PDZRN4: variants seen among roughly 807,000 people sequenced by gnomAD.
PDZRN4 encodes PDZ domain-containing RING finger protein 4.
PDZRN4 carries 70 observed loss-of-function variants against 99.0 expected under a neutral mutation model. The ratio of observed to expected loss-of-function variants is 0.71; its 90% CI spans 0.58 to 0.86. The LOEUF (loss-of-function observed/expected upper bound fraction) is 0.86, where lower values mean the gene tolerates loss of function less well. Ranked by LOEUF, PDZRN4 falls within the 40% of genes least tolerant of loss-of-function variation. PDZRN4 has a pLI of 0.00. For missense variants in PDZRN4, 1,474 were observed against 1,331.2 expected (o/e 1.11, Z -1.67); for synonymous variants, 551 against 501.6 (o/e 1.10, Z -1.32).
chr12:41,249,211 A>G (rs1201872358), intron 3 of PDZRN4, among the ~76,000 whole-genome samples: 1 of 152,218 alleles, frequency 6.6e-6, no homozygotes, highest in African/African-American at 2.4e-5. Context: ...GTATGAAAAA[A>G]GTAATGGGTT....
intron 3 of PDZRN4, among the ~76,000 whole-genome samples, chr12:41,488,398 A>G (rs907558152): frequency 2.0e-5 from 3 of 152,208 alleles, no homozygotes; most frequent in African/African-American, 7.2e-5. Flanking sequence ...GGAAATTACA[A>G]TATTAAATAA....
intron 5 of PDZRN4, among the ~76,000 whole-genome samples, chr12:41,517,962 T>C (rs1206516335): frequency 2.6e-5 from 4 of 152,104 alleles, no homozygotes; most frequent in African/African-American, 7.2e-5. Context: ...CAATTTGAAA[T>C]GGAAGATGCA....
chr12:41,309,128 A>G (rs766618627), intron 3 of PDZRN4, among the ~76,000 whole-genome samples: 1 of 152,184 alleles, frequency 6.6e-6, no homozygotes, highest in Non-Finnish European at 1.5e-5. Context: ...GATGTTTCAT[A>G]TACTTTCAGT....
At chr12:41,513,155 A>G (rs569530723) in intron 5 of PDZRN4, among the ~76,000 whole-genome samples, 17 of 152,186 alleles carry the variant, frequency 1.1e-4, no homozygotes, top group Admixed American at 1.0e-3. Flanking sequence ...TTGTAAATAC[A>G]TATTTAGGGA....
chr12:41,358,525 GA>G (rs1951943502), intron 3 of PDZRN4, among the ~76,000 whole-genome samples: 1 of 151,792 alleles, frequency 6.6e-6, no homozygotes, highest in Non-Finnish European at 1.5e-5. Context: ...AAATTAAGCT[GA>G]AAAAAAGTTG....
chr12:41,503,702 G>C (rs1229034298), intron 3 of PDZRN4, among the ~76,000 whole-genome samples: 1 of 152,122 alleles, frequency 6.6e-6, no homozygotes, highest in African/African-American at 2.4e-5. Context: ...TAACATGTAA[G>C]GCTGAGGAAA....
chr12:41,221,258 G>T (rs1950953577), intron 3 of PDZRN4, among the ~76,000 whole-genome samples: 1 of 152,142 alleles, frequency 6.6e-6, no homozygotes, highest in African/African-American at 2.4e-5. Flanking sequence ...AAGTCCCTGA[G>T]ATTTGAGGAT....
Position 41,188,367 on chromosome 12 carries a change from C to G in PDZRN4, c.-89C>G. ...TCCCTCCACTGCCGCCGCCGCGAGA[C>G]GGCTGCCCCGGGGGTGGCCCGGGGA... On this transcript the variant is annotated 5_prime_UTR_variant, in exon 1 of 10. Coordinates refer to ENST00000402685, the MANE Select transcript of PDZRN4 (RefSeq NM_001164595.2). 2.3e-6 allele frequency: 3 copies of G among 1,278,364 alleles called. No homozygotes were observed. The South Asian group carries it at 4.7e-5, about 20-fold the overall frequency. The allele number at this position is 1,278,364 out of a possible 1,614,324, so 79.2% of individuals were successfully genotyped here.
chr12:41,565,607 T>C (rs1343721658), intron 8 of PDZRN4, among the ~76,000 whole-genome samples: 1 of 152,108 alleles, frequency 6.6e-6, no homozygotes, highest in Non-Finnish European at 1.5e-5. Flanking sequence ...TTTTAACGTT[T>C]CAAATACTCT....
chr12:41,217,375 G>C (rs543233752), intron 3 of PDZRN4, among the ~76,000 whole-genome samples: 7 of 152,030 alleles, frequency 4.6e-5, no homozygotes, highest in Admixed American at 1.3e-4. Context: ...TAATGTTTTT[G>C]AACAATGATT....
intron 3 of PDZRN4, among the ~76,000 whole-genome samples, chr12:41,277,007 C>G (rs1951353864): frequency 6.6e-6 from 1 of 152,164 alleles, no homozygotes; most frequent in Non-Finnish European, 1.5e-5. Flanking sequence ...ACTCTCTGTA[C>G]TATATTTACC....
intron 3 of PDZRN4, among the ~76,000 whole-genome samples, chr12:41,407,541 G>A (rs957970469): frequency 3.9e-5 from 6 of 152,030 alleles, no homozygotes; most frequent in South Asian, 4.2e-4. Context: ...TTGTGGAAAG[G>A]GCAAGCATGC....
chr12:41,542,013 C>T (rs1938866239), intron 5 of PDZRN4, among the ~76,000 whole-genome samples: 8 of 152,164 alleles, frequency 5.3e-5, no homozygotes, highest in Admixed American at 5.2e-4. Flanking sequence ...TTGCTGAAAA[C>T]ATAGCCAACT....
intron 3 of PDZRN4, among the ~76,000 whole-genome samples, chr12:41,213,697 A>ACAAT (rs1416702209): frequency 2.6e-5 from 4 of 152,112 alleles, no homozygotes; most frequent in African/African-American, 9.6e-5. Context: ...TGTCCTGATG[A>ACAAT]CAATAAGGGA....
intron 5 of PDZRN4, among the ~76,000 whole-genome samples, chr12:41,517,658 G>T (rs1397687871): frequency 6.6e-6 from 1 of 152,084 alleles, no homozygotes; most frequent in African/African-American, 2.4e-5. Flanking sequence ...AACAACCAGT[G>T]TTGGCTGTGG....
chr12:41,248,103 C>T (rs76272118), intron 3 of PDZRN4, among the ~76,000 whole-genome samples: 1,899 of 152,226 alleles, frequency 0.012, 40 homozygotes, highest in African/African-American at 0.043. Context: ...ATATTTAAAC[C>T]GATGTTGCCC....
At chr12:41,299,870 GATA>G (rs1175522960) in intron 3 of PDZRN4, among the ~76,000 whole-genome samples, 2 of 151,868 alleles carry the variant, frequency 1.3e-5, no homozygotes, top group Non-Finnish European at 2.9e-5. Context: ...ACAGTTGATA[GATA>G]ATACTATTTT....
At chr12:41,429,677 G>A (rs915786858) in intron 3 of PDZRN4, among the ~76,000 whole-genome samples, 2 of 152,004 alleles carry the variant, frequency 1.3e-5, no homozygotes, top group Admixed American at 6.6e-5. Context: ...TACTTCCCAT[G>A]CAGAGAGGAT....
chr12:41,214,030 A>T (rs1950904496), intron 3 of PDZRN4, among the ~76,000 whole-genome samples: 1 of 152,000 alleles, frequency 6.6e-6, no homozygotes, highest in African/African-American at 2.4e-5. Context: ...AATTTTGTTA[A>T]ATTATTAAAA....
Sources: gnomAD v4.1 joint callset for allele counts (sites outside exome capture counted in the v4.1 genomes callset) on GRCh38, gnomAD v4.1.1 for gene constraint, MANE v1.5 for transcripts, NCBI Gene and HGNC (gene_info 2026-07-23, HGNC 2026-07-21) for gene names.